NFIB: variants seen among roughly 807,000 people sequenced by gnomAD.
NFIB encodes nuclear factor I B.
A neutral mutation model predicts 61.5 loss-of-function variants in NFIB; 11 were observed. That is an observed-to-expected ratio of 0.18 (90% confidence interval 0.11 to 0.30). The LOEUF is 0.30. Ranked by LOEUF, NFIB falls within the 10% of genes least tolerant of loss-of-function variation. The pLI is 1.00. For synonymous variants in NFIB, 260 were observed against 216.5 expected (o/e 1.20, Z -1.76); for missense variants, 471 against 608.9 (o/e 0.77, Z 2.38).
chr9:14,262,631 CGGCTAG>C lies in NFIB; in HGVS notation c.562+44352_562+44357del, dbSNP rs143499621. ...AGCCACAATTTATGCTGGCTTATAA[CGGCTAG>C]GGTTTTCTGAGATGCCTTCTCCTTT... On this transcript the variant is annotated intron_variant, in intron 2 of 10. Transcript: ENST00000380953. 9.9e-3 allele frequency among the ~76,000 whole-genome samples: 1,512 copies of C among 152,272 alleles called. 33 individuals carry two copies. The highest frequency in any genetic ancestry group is 0.035 in the African/African-American group (1,440 of 41,548).
intron 2 of NFIB, among the ~76,000 whole-genome samples, chr9:14,294,105 GTT>G (rs1472120272): frequency 6.6e-6 from 1 of 152,188 alleles, no homozygotes; most frequent in African/African-American, 2.4e-5. Flanking sequence ...CTAATGCTGT[GTT>G]TGTTAGTACT....
chr9:14,523,159 G>C, the NFIB span, among the ~76,000 whole-genome samples: 8 of 151,960 alleles, frequency 5.3e-5, no homozygotes, highest in Non-Finnish European at 1.2e-4. Flanking sequence ...AGGAAAAGTG[G>C]GTCATAAGAG....
intron 1 of NFIB, among the ~76,000 whole-genome samples, chr9:14,368,844 T>G (rs1399588986): frequency 6.6e-6 from 1 of 152,216 alleles, no homozygotes; most frequent in Non-Finnish European, 1.5e-5. Context: ...GGGAGTCAGA[T>G]GACCCTTATT....
chr9:14,098,245 A>T (rs780861221), intron 10 of NFIB, among the ~76,000 whole-genome samples: 39 of 152,194 alleles, frequency 2.6e-4, no homozygotes, highest in Non-Finnish European at 5.3e-4. Context: ...TGTTTATTTT[A>T]GCCATCTGAA....
At chr9:14,223,219 C>A (rs1189821216) in intron 2 of NFIB, among the ~76,000 whole-genome samples, 2 of 152,194 alleles carry the variant, frequency 1.3e-5, no homozygotes, top group Non-Finnish European at 2.9e-5. Context: ...AGTTGCTATG[C>A]TTAGATGATA....
chr9:14,477,645 G>T, the NFIB span, among the ~76,000 whole-genome samples: 1 of 152,132 alleles, frequency 6.6e-6, no homozygotes, highest in East Asian at 1.9e-4. Context: ...CTGGTTCAGA[G>T]TTATTTCTAT....
the NFIB span, among the ~76,000 whole-genome samples, chr9:14,486,139 G>T: frequency 6.6e-6 from 1 of 152,162 alleles, no homozygotes; most frequent in Non-Finnish European, 1.5e-5. Context: ...TTGGTCAAGC[G>T]TGTATGTGAA....
At chr9:14,468,116 A>T in the NFIB span, among the ~76,000 whole-genome samples, 1 of 152,226 alleles carries the variant, frequency 6.6e-6, no homozygotes, top group South Asian at 2.1e-4. Flanking sequence ...CAAAGTGCCA[A>T]ATGTAGAAAA....
At chr9:14,433,827 T>C in the NFIB span, among the ~76,000 whole-genome samples, 1 of 152,248 alleles carries the variant, frequency 6.6e-6, no homozygotes, top group Non-Finnish European at 1.5e-5. Context: ...AAAATATTCA[T>C]AATGCTTTCT....
the NFIB span, among the ~76,000 whole-genome samples, chr9:14,450,484 T>C: frequency 6.6e-6 from 1 of 152,334 alleles, no homozygotes; most frequent in East Asian, 1.9e-4. Flanking sequence ...TCACCCTTTC[T>C]TAGAATAATA....
the NFIB span, among the ~76,000 whole-genome samples, chr9:14,506,741 T>C: frequency 6.6e-6 from 1 of 152,102 alleles, no homozygotes; most frequent in East Asian, 1.9e-4. Context: ...ATATTTTAGG[T>C]GAATATTTTG....
the NFIB span, among the ~76,000 whole-genome samples, chr9:14,498,685 G>A: frequency 2.0e-5 from 3 of 152,050 alleles, no homozygotes; most frequent in Non-Finnish European, 4.4e-5. Context: ...TCCTGGTTAG[G>A]GGAGAAATAC....
the NFIB span, among the ~76,000 whole-genome samples, chr9:14,463,954 C>T: frequency 1.3e-5 from 2 of 152,212 alleles, no homozygotes; most frequent in Admixed American, 1.3e-4. Flanking sequence ...GCCAGGGCGC[C>T]TGGCCTCTCC....
intron 2 of NFIB, among the ~76,000 whole-genome samples, chr9:14,249,618 C>G (rs7859287): frequency 0.81 from 123,515 of 151,810 alleles, 50,733 homozygotes; most frequent in Middle Eastern, 0.93. Flanking sequence ...ATTGTGCATT[C>G]ACTGACAATA....
intron 7 of NFIB, among the ~76,000 whole-genome samples, chr9:14,121,964 A>G (rs2038996471): frequency 6.6e-6 from 1 of 152,150 alleles, no homozygotes; most frequent in Non-Finnish European, 1.5e-5. Context: ...AATCATAGAA[A>G]TACAAATTAA....
At chr9:14,378,713 A>C (rs2382469) in intron 1 of NFIB, among the ~76,000 whole-genome samples, 93,282 of 152,080 alleles carry the variant, frequency 0.61, 28,984 homozygotes, top group Middle Eastern at 0.76. Context: ...GTTTAGGTGA[A>C]CAGGCATCAT....
At chr9:14,522,024 G>A in the NFIB span, among the ~76,000 whole-genome samples, 5 of 152,246 alleles carry the variant, frequency 3.3e-5, no homozygotes, top group African/African-American at 1.2e-4. Context: ...CTGATAAGAA[G>A]AGAACATGTG....
chr9:14,206,090 T>G (rs944489328), intron 2 of NFIB, among the ~76,000 whole-genome samples: 2 of 152,106 alleles, frequency 1.3e-5, no homozygotes, highest in African/African-American at 4.8e-5. Flanking sequence ...TATTTAATAA[T>G]GGGCCACTCT....
chr9:14,237,480 T>C (rs2053854972), intron 2 of NFIB, among the ~76,000 whole-genome samples: 1 of 146,686 alleles, frequency 6.8e-6, no homozygotes, highest in Non-Finnish European at 1.5e-5. Context: ...ACAAAAGCTC[T>C]TCATTATGTC....
Sources: allele counts gnomAD v4.1 joint callset (sites outside exome capture counted in the v4.1 genomes callset), GRCh38; gene constraint gnomAD v4.1.1; transcripts MANE v1.5; gene names NCBI Gene and HGNC (gene_info 2026-07-23, HGNC 2026-07-21).